Variants in TNFRSF21 observed in about 807,000 individuals in gnomAD.
TNFRSF21 encodes tumor necrosis factor receptor superfamily member 21.
A neutral mutation model predicts 45.6 loss-of-function variants in TNFRSF21; 19 were observed. The observed-to-expected ratio is 0.42, with a 90% CI of 0.29 to 0.61. The LOEUF is 0.61. Ranked by LOEUF, TNFRSF21 falls within the 20% of genes least tolerant of loss-of-function variation. The probability of loss-of-function intolerance (pLI) is 0.23; values close to 1 mark genes in which losing one functional copy is unlikely to be tolerated. For missense variants in TNFRSF21, 737 were observed against 851.5 expected (o/e 0.87, Z 1.67); for synonymous variants, 314 against 335.5 (o/e 0.94, Z 0.70).
chr6:47,238,250 T>A (rs77277153), intron 4 of TNFRSF21, among the ~76,000 whole-genome samples: 46 of 152,348 alleles, frequency 3.0e-4, no homozygotes, highest in African/African-American at 1.0e-3. Flanking sequence ...AGCTCCTCTC[T>A]ATACTTTTGT....
At chr6:47,265,435 A>AG (rs936336603) in intron 3 of TNFRSF21, among the ~76,000 whole-genome samples, 1 of 152,130 alleles carries the variant, frequency 6.6e-6, no homozygotes, top group African/African-American at 2.4e-5. Flanking sequence ...AGACCTTTCT[A>AG]GCACCGAGTA....
At position 47,309,484 on chromosome 6, in the gene TNFRSF21, C is replaced by T; in HGVS notation, c.28G>A (p.Ala10Thr). The T allele has an allele frequency of 3.3e-6, 5 of 1,524,228 alleles. No homozygotes were observed. Among genetic ancestry groups the T allele is most frequent in the Non-Finnish European group, 4.4e-6 (5 of 1,143,200 alleles). The allele number at this position is 1,524,228 out of a possible 1,614,324, so 94.4% of individuals were successfully genotyped here. MGTSPSSSTALASCSRIARR... is the reference protein window; with the variant it reads MGTSPSSSTTLASCSRIARR... Reference sequence around the variant, plus strand: ...GCGATGCGGCTGCAGGAGGCGAGGGCGGTGCTGCTGCTCGGAGAGGTCCCC... The same window carrying T: ...GCGATGCGGCTGCAGGAGGCGAGGGTGGTGCTGCTGCTCGGAGAGGTCCCC... The change falls in exon 1 of 6, where the codon GCC becomes ACC. Residue 10 changes from alanine to threonine, a missense_variant. Physicochemically the swap from Ala to Thr is moderately conservative, Grantham distance 58. Transcript: ENST00000296861.
chr6:47,260,895 T>A (rs1000036567), intron 3 of TNFRSF21, among the ~76,000 whole-genome samples: 1 of 152,178 alleles, frequency 6.6e-6, no homozygotes, highest in Admixed American at 6.5e-5. Flanking sequence ...TAATGTCAGT[T>A]CTCATTATTC....
intron 3 of TNFRSF21, among the ~76,000 whole-genome samples, chr6:47,254,327 T>G (rs1411927711): frequency 5.3e-5 from 8 of 152,328 alleles, no homozygotes; most frequent in Middle Eastern, 3.4e-3. Context: ...TTGATCGCAT[T>G]ACTCAGAATA....
chr6:47,300,115 G>A (rs943861204), intron 1 of TNFRSF21, among the ~76,000 whole-genome samples: 1 of 152,206 alleles, frequency 6.6e-6, no homozygotes, highest in Non-Finnish European at 1.5e-5. Context: ...AGTGCCGACT[G>A]GAGGGGATAG....
At chr6:47,290,881 G>A (rs1411972751) in intron 1 of TNFRSF21, among the ~76,000 whole-genome samples, 1 of 152,202 alleles carries the variant, frequency 6.6e-6, no homozygotes, top group Non-Finnish European at 1.5e-5. Flanking sequence ...CATGGGCTGA[G>A]GATAGAATCT....
chr6:47,295,372 A>G lies in TNFRSF21; in HGVS notation c.97-8777T>C, dbSNP rs1249592783. Among the ~76,000 whole-genome samples, 4 of 152,226 alleles carry G rather than the reference A, an allele frequency of 2.6e-5. No homozygotes were observed. In the East Asian group the frequency reaches 7.7e-4, roughly 29 times the overall value. On this transcript the variant is annotated intron_variant, in intron 1 of 5. Coordinates refer to ENST00000296861, the MANE Select transcript of TNFRSF21 (RefSeq NM_014452.5). Reference sequence around the variant, plus strand: ...AAATTCTAATTTTTAGCGGAAAATGAGCAAAGTCAAGGCGGAAATAAACTT... The same window carrying G: ...AAATTCTAATTTTTAGCGGAAAATGGGCAAAGTCAAGGCGGAAATAAACTT...
Position 47,243,179 on chromosome 6 carries a change from T to C in TNFRSF21, c.1510-8281A>G, listed in dbSNP as rs568530073. The stretch of plus-strand genomic sequence containing the variant: ...TATGGTCTACAAGTCTAAGTTAACC[T>C]TTGACCTTAACCTCTGACTTCCAAG... On this transcript the variant is annotated intron_variant, in intron 4 of 5. Coordinates refer to ENST00000296861, the MANE Select transcript of TNFRSF21 (RefSeq NM_014452.5). Among the ~76,000 whole-genome samples, 6 of 152,296 alleles carry C rather than the reference T, an allele frequency of 3.9e-5. 1 individual carries two copies. In the South Asian group the frequency reaches 1.2e-3, roughly 32 times the overall value.
At chr6:47,277,895 C>T (rs983374677) in intron 3 of TNFRSF21, among the ~76,000 whole-genome samples, 7 of 152,254 alleles carry the variant, frequency 4.6e-5, no homozygotes, top group African/African-American at 1.4e-4. Flanking sequence ...AACCACATTA[C>T]TCCTACAAGC....
chr6:47,248,431 A>G (rs1287000074), intron 4 of TNFRSF21, among the ~76,000 whole-genome samples: 1 of 152,192 alleles, frequency 6.6e-6, no homozygotes, highest in East Asian at 1.9e-4. Context: ...GCGCAGGGAA[A>G]GAGTGCACTG....
intron 1 of TNFRSF21, among the ~76,000 whole-genome samples, chr6:47,295,365 G>A (rs896853457): frequency 6.6e-6 from 1 of 152,166 alleles, no homozygotes; most frequent in Non-Finnish European, 1.5e-5. Flanking sequence ...ATTTTTAGCG[G>A]AAAATGAGCA....
intron 3 of TNFRSF21, among the ~76,000 whole-genome samples, chr6:47,269,823 G>A (rs1762385694): frequency 1.3e-5 from 2 of 152,176 alleles, no homozygotes; most frequent in Admixed American, 1.3e-4. Context: ...CTGTGGACAA[G>A]AGCGCTGCCT....
rs774748007 is a variant in TNFRSF21 at position 47,284,325 on chromosome 6, C to T, written c.856G>A (p.Glu286Lys). The T allele has an allele frequency of 6.3e-7, 1 of 1,598,056 alleles. No homozygotes were observed. The highest frequency in any genetic ancestry group is 2.2e-5 in the East Asian group (1 of 44,814). ...PDNTSSARGKEDVNKTLPNLQ... is the reference protein window; with the variant it reads ...PDNTSSARGKKDVNKTLPNLQ... ...TTTGGGAGGGTCTTGTTCACGTCTTCCTTCCCCCTTGCTGAGCTTGTGTTG... is the reference window on the plus strand; with the variant it reads ...TTTGGGAGGGTCTTGTTCACGTCTTTCTTCCCCCTTGCTGAGCTTGTGTTG... Residue 286 changes from glutamate (E) to lysine (K), a missense_variant, in exon 3 of 6, where the codon GAA becomes AAA. Glu to Lys is a moderately conservative substitution (Grantham distance 56, BLOSUM62 1). Transcript: ENST00000296861.
intron 3 of TNFRSF21, among the ~76,000 whole-genome samples, chr6:47,268,063 G>A (rs1177986808): frequency 6.6e-6 from 1 of 152,202 alleles, no homozygotes; most frequent in Non-Finnish European, 1.5e-5. Flanking sequence ...CTTCTCCAAA[G>A]GATGGAAGGG....
Position 47,309,564 on chromosome 6 carries a change from C to T in TNFRSF21, c.-53G>A, listed in dbSNP as rs1582369996. ...CCGGGGCGCGCGGGGCAGCTGGAAT[C>T]GGCGGCTGCTTCTGCCCAGCGCCGC... On this transcript the variant is annotated 5_prime_UTR_variant, in exon 1 of 6. Coordinates refer to ENST00000296861, the MANE Select transcript of TNFRSF21 (RefSeq NM_014452.5). The T allele has an allele frequency of 2.2e-6, 3 of 1,389,746 alleles. No individual in the cohort carries two copies. The South Asian group carries it at 4.9e-5, about 23-fold the overall frequency. The allele number at this position is 1,389,746 out of a possible 1,614,324, so 86.1% of individuals were successfully genotyped here. A position where few individuals can be genotyped will look rare whatever the true frequency, so the allele number is the denominator to read the frequency against.
intron 1 of TNFRSF21, among the ~76,000 whole-genome samples, chr6:47,293,105 A>T (rs1397138945): frequency 3.3e-5 from 5 of 152,186 alleles, no homozygotes; most frequent in Non-Finnish European, 4.4e-5. Context: ...TGAACTCTTC[A>T]TCATATTTCC....
At chr6:47,297,928 C>T (rs1762813096) in intron 1 of TNFRSF21, among the ~76,000 whole-genome samples, 1 of 152,058 alleles carries the variant, frequency 6.6e-6, no homozygotes, top group Admixed American at 6.5e-5. Flanking sequence ...AACAAACCAT[C>T]CCGGACTTAG....
chr6:47,303,188 A>G (rs1762895204), intron 1 of TNFRSF21, among the ~76,000 whole-genome samples: 1 of 152,168 alleles, frequency 6.6e-6, no homozygotes, highest in Non-Finnish European at 1.5e-5. Flanking sequence ...CCCAAAACAG[A>G]TAGATTTGCA....
intron 2 of TNFRSF21, among the ~76,000 whole-genome samples, chr6:47,285,055 T>C (rs575567986): frequency 2.0e-5 from 3 of 152,114 alleles, no homozygotes; most frequent in Non-Finnish European, 1.5e-5. Flanking sequence ...GAATTTTGAG[T>C]CCCAAGAGAC....
Sources: allele counts gnomAD v4.1 joint callset (sites outside exome capture counted in the v4.1 genomes callset), GRCh38; gene constraint gnomAD v4.1.1; transcripts MANE v1.5; gene names NCBI Gene and HGNC (gene_info 2026-07-23, HGNC 2026-07-21).